ABCD2: variants seen among roughly 807,000 people sequenced by gnomAD.
The protein encoded by ABCD2 is ATP-binding cassette sub-family D member 2.
ABCD2 carries 36 observed loss-of-function variants against 70.9 expected under a neutral mutation model. The observed-to-expected ratio is 0.51, with a 90% CI of 0.39 to 0.67. The LOEUF is 0.67. Among genes scored for constraint, ABCD2 ranks in the 30% least tolerant of loss-of-function variants. The pLI is 0.00. For synonymous variants in ABCD2, 304 were observed against 306.9 expected (o/e 0.99, Z 0.10); for missense variants, 729 against 890.2 (o/e 0.82, Z 2.30).
At chr12:39,598,208 A>G (rs1591990950) in intron 6 of ABCD2, among the ~76,000 whole-genome samples, 1 of 152,324 alleles carries the variant, frequency 6.6e-6, no homozygotes, top group East Asian at 1.9e-4. Flanking sequence ...TGATCAATCC[A>G]TAAAGAGATT....
At chr12:39,591,097 T>G (rs1307716798) in intron 6 of ABCD2, among the ~76,000 whole-genome samples, 1 of 152,208 alleles carries the variant, frequency 6.6e-6, no homozygotes. Flanking sequence ...TTAAGAATAA[T>G]GTACCACTAA....
the ABCD2 span, among the ~76,000 whole-genome samples, chr12:39,531,804 A>G: frequency 2.6e-5 from 4 of 152,384 alleles, no homozygotes; most frequent in African/African-American, 4.8e-5. Context: ...TTTAAATGCA[A>G]GTAGTAACCT....
At chr12:39,616,915 TA>T in intron 2 of ABCD2, 72 bp downstream of exon 2, 1 of 1,385,312 alleles carries the variant, frequency 7.2e-7, no homozygotes, top group Non-Finnish European at 9.8e-7. Context: ...TTAGCTCACA[TA>T]AAACTAGCAA....
chr12:39,572,200 A>C (rs1431617408), intron 9 of ABCD2, among the ~76,000 whole-genome samples: 1 of 152,222 alleles, frequency 6.6e-6, no homozygotes, highest in Non-Finnish European at 1.5e-5. Flanking sequence ...TAAGGAATTG[A>C]ATGGCAGGAT....
At chr12:39,600,745 C>T (rs1941886138) in intron 5 of ABCD2, 29 bp from the exon 6 acceptor site, 1 of 1,561,082 alleles carries the variant, frequency 6.4e-7, no homozygotes, top group Admixed American at 1.9e-5. Flanking sequence ...TTACAAACTG[C>T]AATAGTTTAA....
At chr12:39,578,238 G>A (rs1424181723) in intron 8 of ABCD2, among the ~76,000 whole-genome samples, 1 of 152,198 alleles carries the variant, frequency 6.6e-6, no homozygotes, top group Non-Finnish European at 1.5e-5. Context: ...ACTTTGGGAG[G>A]CCGAGGCGGG....
intron 6 of ABCD2, among the ~76,000 whole-genome samples, chr12:39,591,186 A>G (rs1487134848): frequency 6.6e-6 from 1 of 152,196 alleles, no homozygotes; most frequent in African/African-American, 2.4e-5. Flanking sequence ...TCACATAACT[A>G]TACATGCTGG....
In ABCD2 at chr12:39,555,555, T is replaced by A. The variant is rs1423557846; in HGVS notation, c.2004-1424A>T. On this transcript the variant is annotated intron_variant, in intron 9 of 9. Coordinates refer to ENST00000308666, the MANE Select transcript of ABCD2 (RefSeq NM_005164.4). ...AGTTTTACATTCTCCAAGTCACCCA[T>A]GTCCCAACCACAAAGTGCACAGCTC... 2.0e-5 allele frequency among the ~76,000 whole-genome samples: 3 copies of A among 152,290 alleles called. No individual in the cohort carries two copies. In the South Asian group the frequency reaches 6.2e-4, roughly 32 times the overall value.
chr12:39,566,149 G>C (rs1941343606), intron 9 of ABCD2, among the ~76,000 whole-genome samples: 1 of 152,198 alleles, frequency 6.6e-6, no homozygotes, highest in Non-Finnish European at 1.5e-5. Context: ...CTCATAAAAT[G>C]AGTTAGGGAG....
intron 9 of ABCD2, among the ~76,000 whole-genome samples, chr12:39,558,600 A>G (rs192428962): frequency 7.2e-5 from 11 of 152,162 alleles, no homozygotes; most frequent in Admixed American, 1.3e-4. Context: ...TGATGGTATT[A>G]TAAGTGTTTT....
intron 7 of ABCD2, among the ~76,000 whole-genome samples, chr12:39,581,961 G>A (rs1024827971): frequency 1.3e-5 from 2 of 152,054 alleles, no homozygotes; most frequent in Non-Finnish European, 2.9e-5. Flanking sequence ...ATGCTTTCCT[G>A]TTTTGTAACC....
chr12:39,532,895 C>G, the ABCD2 span, among the ~76,000 whole-genome samples: 9 of 152,198 alleles, frequency 5.9e-5, 1 homozygote, highest in Admixed American at 5.9e-4. Flanking sequence ...TGCAGTGGCT[C>G]ACGCCTGTAA....
At chr12:39,567,518 G>T (rs985554000) in intron 9 of ABCD2, among the ~76,000 whole-genome samples, 15 of 152,098 alleles carry the variant, frequency 9.9e-5, no homozygotes, top group African/African-American at 3.1e-4. Context: ...TTGAGCCTAT[G>T]TGTGTCTCTG....
chr12:39,537,834 A>G, the ABCD2 span, among the ~76,000 whole-genome samples: 1 of 152,224 alleles, frequency 6.6e-6, no homozygotes, highest in African/African-American at 2.4e-5. Flanking sequence ...TGGTAAACAG[A>G]GAAAGTGTTT....
chr12:39,601,388 A>AAT (rs543832748), intron 5 of ABCD2, among the ~76,000 whole-genome samples: 66 of 150,760 alleles, frequency 4.4e-4, no homozygotes, highest in African/African-American at 1.1e-3. Context: ...ATATGTGAAT[A>AAT]ATATATATAT....
rs1310775181 is a variant in ABCD2, at chr12:39,553,163, T to C, written c.*749A>G. 1 of 152,000 alleles carries C rather than the reference T, an allele frequency of 6.6e-6. No individual in the cohort carries two copies. Among genetic ancestry groups the C allele is most frequent in the Non-Finnish European group, 1.5e-5 (1 of 67,880 alleles). 9.4% of individuals were successfully genotyped at this position (152,000 alleles called of 1,614,324 possible). ...GAACAGAAGTTGCAATAGGTAATTC[T>C]GCTAAGGAAATTATCAGGTTGAGAC... On this transcript the variant is annotated 3_prime_UTR_variant, in exon 10 of 10. Coordinates refer to ENST00000308666, the MANE Select transcript of ABCD2 (RefSeq NM_005164.4).
At chr12:39,602,332 T>G (rs1246777704) in intron 5 of ABCD2, among the ~76,000 whole-genome samples, 1 of 151,862 alleles carries the variant, frequency 6.6e-6, no homozygotes. Flanking sequence ...TTTGTATTTT[T>G]TAGTAGAGAC....
At chr12:39,558,753 T>G (rs1941207471) in intron 9 of ABCD2, among the ~76,000 whole-genome samples, 2 of 152,166 alleles carry the variant, frequency 1.3e-5, no homozygotes, top group African/African-American at 4.8e-5. Context: ...CTCTTTTCTT[T>G]ATAAATTATC....
At chr12:39,608,042 C>T (rs1591996795) in intron 2 of ABCD2, among the ~76,000 whole-genome samples, 1 of 152,048 alleles carries the variant, frequency 6.6e-6, no homozygotes, top group Admixed American at 6.5e-5. Flanking sequence ...GTGGCGCATG[C>T]TTGTAGTCCC....
Sources: gnomAD v4.1 joint callset for allele counts (sites outside exome capture counted in the v4.1 genomes callset) on GRCh38, gnomAD v4.1.1 for gene constraint, MANE v1.5 for transcripts, NCBI Gene and HGNC (gene_info 2026-07-23, HGNC 2026-07-21) for gene names.